ADAP2: variants seen among roughly 807,000 people sequenced by gnomAD.
ADAP2 encodes ArfGAP with dual PH domains 2, also known as arf-GAP with dual PH domain-containing protein 2.
ADAP2 carries 42 observed loss-of-function variants against 54.9 expected under a neutral mutation model. The ratio of observed to expected loss-of-function variants is 0.77; its 90% CI spans 0.60 to 0.99. The LOEUF (loss-of-function observed/expected upper bound fraction) is 0.99, where lower values mean the gene tolerates loss of function less well. Among genes scored for constraint, ADAP2 ranks in the 50% least tolerant of loss-of-function variants. The pLI is 0.00. For synonymous variants in ADAP2, 177 were observed against 180.1 expected, an observed-to-expected ratio of 0.98 and a Z score of 0.14; for missense variants, 429 against 480.4, an observed-to-expected ratio of 0.89 and a Z score of 1.00.
At chr17:30,948,106 G>A (rs1462483907) in intron 6 of ADAP2, among the ~76,000 whole-genome samples, 8 of 152,230 alleles carry the variant, frequency 5.3e-5, no homozygotes, top group African/African-American at 1.9e-4. Context: ...GTGTGGGATG[G>A]AGCGGGCTAA....
intron 5 of ADAP2, among the ~76,000 whole-genome samples, chr17:30,939,626 C>T (rs1055455032): frequency 1.3e-5 from 2 of 151,912 alleles, no homozygotes; most frequent in African/African-American, 4.8e-5. Flanking sequence ...AAAAACTTAG[C>T]TGGGCGTGGT....
chr17:30,945,134 C>A, intron 6 of ADAP2, 81 bp downstream of exon 6: 1 of 1,506,836 alleles, frequency 6.6e-7, no homozygotes, highest in South Asian at 1.2e-5. Context: ...CTCCCCTGCT[C>A]ACTGGTGCTG....
Position 30,922,936 on chromosome 17 carries a change from G to T in ADAP2, c.95-4G>T. On this transcript the variant is annotated splice_polypyrimidine_tract_variant and splice_region_variant and intron_variant, in intron 1 of 10. Transcript: ENST00000330889. ...CAGCTCCTCTCCTGCCTCATCCCCT[G>T]CAGATCCCGACTGGGCCTCTTACAA... 6.2e-7 allele frequency: 1 copy of T among 1,613,502 alleles called. No homozygotes were observed. Among genetic ancestry groups the T allele is most frequent in the Non-Finnish European group, 8.5e-7 (1 of 1,179,868 alleles).
chr17:30,931,161 G>C (rs1911448318), intron 3 of ADAP2, among the ~76,000 whole-genome samples: 2 of 152,148 alleles, frequency 1.3e-5, no homozygotes, highest in Non-Finnish European at 2.9e-5. Context: ...CACACAGTGG[G>C]AGCAGGTGGT....
chr17:30,929,136 A>G (rs1211974428), intron 3 of ADAP2, among the ~76,000 whole-genome samples: 2 of 152,220 alleles, frequency 1.3e-5, no homozygotes, highest in African/African-American at 2.4e-5. Context: ...TCCTAGCTCT[A>G]CTGTGACCTA....
chr17:30,932,086 C>A, intron 4 of ADAP2, 118 bp downstream of exon 4: 1 of 902,634 alleles, frequency 1.1e-6, no homozygotes. Context: ...TCACTGTGGC[C>A]GCAGAGGCCA....
At chr17:30,946,234 C>T (rs749757608) in intron 6 of ADAP2, among the ~76,000 whole-genome samples, 4 of 151,852 alleles carry the variant, frequency 2.6e-5, no homozygotes, top group African/African-American at 9.7e-5. Context: ...TTGAGAAGCA[C>T]TATTTTTTTT....
intron 5 of ADAP2, among the ~76,000 whole-genome samples, chr17:30,941,198 GA>G (rs1912244071): frequency 2.0e-5 from 3 of 152,190 alleles, no homozygotes; most frequent in Non-Finnish European, 4.4e-5. Flanking sequence ...AGATTTGTGT[GA>G]GCTGCACCAA....
chr17:30,926,212 A>C (rs1347861541), intron 2 of ADAP2, among the ~76,000 whole-genome samples: 2 of 152,060 alleles, frequency 1.3e-5, no homozygotes, highest in Admixed American at 6.6e-5. Context: ...GTGAATTGAA[A>C]ACCTGGTGTT....
Position 30,957,014 on chromosome 17 carries a change from G to A in ADAP2, c.1111+545G>A, listed in dbSNP as rs542215617. 10 of 156,336 alleles carry A rather than the reference G, an allele frequency of 6.4e-5. No homozygotes were observed. In the South Asian group the frequency reaches 1.7e-3, roughly 27 times the overall value. The allele number at this position is 156,336 out of a possible 1,614,324, so 9.7% of individuals were successfully genotyped here. A position where few individuals can be genotyped will look rare whatever the true frequency, so the allele number is the denominator to read the frequency against. Reference sequence around the variant, plus strand: ...TGCTGACAGCCCTGTGAAAAAAGGGGAGACATGCCGAGCTCCGGCAGGAAA... The same window carrying A: ...TGCTGACAGCCCTGTGAAAAAAGGGAAGACATGCCGAGCTCCGGCAGGAAA... On this transcript the variant is annotated intron_variant, in intron 10 of 10. Coordinates refer to ENST00000330889, the MANE Select transcript of ADAP2 (RefSeq NM_018404.3).
intron 8 of ADAP2, 117 bp from the exon 9 acceptor site, chr17:30,954,361 T>TGGGCTG: frequency 1.2e-6 from 1 of 808,418 alleles, no homozygotes; most frequent in Non-Finnish European, 2.1e-6. Flanking sequence ...CTGAGGAGGC[T>TGGGCTG]GGGCTGGAGA....
chr17:30,923,562 C>A (rs977719725), intron 2 of ADAP2, among the ~76,000 whole-genome samples: 83 of 151,968 alleles, frequency 5.5e-4, no homozygotes, highest in African/African-American at 1.8e-3. Flanking sequence ...TCCTGAACCG[C>A]TCCTGGCCAT....
rs750350971 is a variant in ADAP2 at position 30,931,880 on chromosome 17, T to C, written c.318-9T>C. 13 of 1,606,270 alleles carry C rather than the reference T, an allele frequency of 8.1e-6. 1 individual carries two copies. In the South Asian group the frequency reaches 1.3e-4, roughly 16 times the overall value. Reference sequence around the variant, plus strand: ...CAAACGCAGCTGACCTCAGGCTCTCTCTTTTTAGGGTCTTAAAGGAACAAT... The same window carrying C: ...CAAACGCAGCTGACCTCAGGCTCTCCCTTTTTAGGGTCTTAAAGGAACAAT... On this transcript the variant is annotated splice_polypyrimidine_tract_variant and intron_variant, in intron 3 of 10. Transcript: ENST00000330889.
At chr17:30,925,803 A>C (rs1299286154) in intron 2 of ADAP2, among the ~76,000 whole-genome samples, 3 of 151,952 alleles carry the variant, frequency 2.0e-5, no homozygotes, top group Admixed American at 6.6e-5. Flanking sequence ...TCTATTGCCT[A>C]GGCTTGAGGG....
chr17:30,936,932 T>C (rs1911924187), intron 5 of ADAP2, among the ~76,000 whole-genome samples: 1 of 152,096 alleles, frequency 6.6e-6, no homozygotes. Context: ...AAGTTTTTGA[T>C]TGATTGATTG....
At position 30,926,095 on chromosome 17, in the gene ADAP2, C is replaced by T. The variant is rs573134818; in HGVS notation, c.226-732C>T. On this transcript the variant is annotated intron_variant, in intron 2 of 10. Transcript: ENST00000330889. ...TCATCAAATAAATGGCAGTCAGGAT[C>T]TGAATCCTGCTCTGTTGGGATCCAA... Among the ~76,000 whole-genome samples, 233 of 152,310 alleles carry T rather than the reference C, an allele frequency of 1.5e-3. 1 individual carries two copies. Among genetic ancestry groups the T allele is most frequent in the African/African-American group, 5.3e-3 (220 of 41,570 alleles).
At chr17:30,928,536 G>T (rs1432219596) in intron 3 of ADAP2, among the ~76,000 whole-genome samples, 1 of 152,050 alleles carries the variant, frequency 6.6e-6, no homozygotes, top group Non-Finnish European at 1.5e-5. Context: ...TAAGTACTAC[G>T]CCCTGTGCAA....
intron 5 of ADAP2, among the ~76,000 whole-genome samples, chr17:30,939,771 CAA>C (rs1334968924): frequency 3.6e-4 from 20 of 55,886 alleles, no homozygotes; most frequent in Admixed American, 5.7e-4. Context: ...ATTCCATTTC[CAA>C]AAAAAAAAAA....
chr17:30,950,750 C>A (rs1904566259), intron 7 of ADAP2, among the ~76,000 whole-genome samples: 1 of 152,138 alleles, frequency 6.6e-6, no homozygotes, highest in Non-Finnish European at 1.5e-5. Context: ...CCAGCAAGGC[C>A]CGAGTCAGAG....
Sources: allele counts gnomAD v4.1 joint callset (sites outside exome capture counted in the v4.1 genomes callset), GRCh38; gene constraint gnomAD v4.1.1; transcripts MANE v1.5; gene names NCBI Gene and HGNC (gene_info 2026-07-23, HGNC 2026-07-21).